The following MAGI1 variants were observed in gnomAD, a reference collection of about 807,000 sequenced individuals.
MAGI1 encodes the protein membrane-associated guanylate kinase, WW and PDZ domain-containing protein 1.
In MAGI1, 58 loss-of-function variants were observed where a neutral mutation model predicts 139.9. The ratio of observed to expected loss-of-function variants is 0.41; its 90% CI spans 0.34 to 0.52. The LOEUF (loss-of-function observed/expected upper bound fraction) is 0.52. Among genes scored for constraint, MAGI1 ranks in the 20% least tolerant of loss-of-function variants. The probability of loss-of-function intolerance (pLI) is 0.12; values close to 1 mark genes in which losing one functional copy is unlikely to be tolerated. For synonymous variants in MAGI1, 812 were observed against 737.9 expected (o/e 1.10, Z -1.63); for missense variants, 1,874 against 1,901.6 (o/e 0.99, Z 0.27).
Position 65,578,800 on chromosome 3 carries a change from AC to A in MAGI1, c.430+43171del, listed in dbSNP as rs1362271802. 2.0e-5 allele frequency among the ~76,000 whole-genome samples: 3 copies of A among 152,030 alleles called. No homozygotes were observed. The East Asian group carries it at 5.8e-4, about 30-fold the overall frequency. ...GCGGGGCGTGGTGGCACATCCCTGT[AC>A]CCCCAGCTACTTGGGAGGCTGAGGC... On this transcript the variant is annotated intron_variant, in intron 2 of 22. Coordinates refer to ENST00000402939, the MANE Select transcript of MAGI1 (RefSeq NM_001033057.2).
chr3:65,935,285 T>G (rs1439171560), intron 1 of MAGI1, among the ~76,000 whole-genome samples: 1 of 152,148 alleles, frequency 6.6e-6, no homozygotes, highest in Non-Finnish European at 1.5e-5. Flanking sequence ...ATTACAATGT[T>G]GAACAAAAGG....
chr3:65,370,895 G>C (rs183104977), intron 18 of MAGI1, among the ~76,000 whole-genome samples: 2 of 152,334 alleles, frequency 1.3e-5, no homozygotes, highest in Non-Finnish European at 2.9e-5. Flanking sequence ...GAGCTCAAGT[G>C]ATCCTCCTGC....
chr3:65,959,822 T>C (rs2064333555), intron 1 of MAGI1, among the ~76,000 whole-genome samples: 1 of 138,144 alleles, frequency 7.2e-6, no homozygotes, highest in Middle Eastern at 3.4e-3. Flanking sequence ...TTTTTTTTTT[T>C]TGAGACAGAG....
chr3:65,498,880 T>TGTGGCTA, intron 2 of MAGI1: 2 of 330,828 alleles, frequency 6.0e-6, no homozygotes, highest in Non-Finnish European at 8.6e-6. Context: ...AATAGCCACA[T>TGTGGCTA]GTGGCTAGTG....
At chr3:65,459,698 A>G (rs1056658950) in intron 5 of MAGI1, among the ~76,000 whole-genome samples, 1 of 152,086 alleles carries the variant, frequency 6.6e-6, no homozygotes, top group Non-Finnish European at 1.5e-5. Context: ...TGAGGCAGGT[A>G]GATTTCTTGA....
intron 3 of MAGI1, among the ~76,000 whole-genome samples, chr3:65,488,243 G>A (rs1172433923): frequency 3.9e-5 from 6 of 152,070 alleles, no homozygotes; most frequent in Non-Finnish European, 7.4e-5. Context: ...TCATAGCTTC[G>A]CCTCCTCTAG....
At chr3:65,458,693 A>C (rs1445780168) in intron 5 of MAGI1, among the ~76,000 whole-genome samples, 1 of 151,968 alleles carries the variant, frequency 6.6e-6, no homozygotes, top group Admixed American at 6.6e-5. Flanking sequence ...AGCTCCCTAT[A>C]TATATTCTCG....
intron 12 of MAGI1, among the ~76,000 whole-genome samples, chr3:65,411,445 T>C (rs972898347): frequency 6.6e-6 from 1 of 152,218 alleles, no homozygotes; most frequent in African/African-American, 2.4e-5. Context: ...GATAGCCCCA[T>C]GCAGTTCCTA....
intron 1 of MAGI1, among the ~76,000 whole-genome samples, chr3:65,773,748 C>T (rs982898655): frequency 4.6e-5 from 7 of 152,174 alleles, no homozygotes; most frequent in Non-Finnish European, 4.4e-5. Flanking sequence ...TGTAACTGTA[C>T]TCTAATTTGC....
chr3:65,480,387 G>C (rs1233568876), intron 3 of MAGI1, among the ~76,000 whole-genome samples: 1 of 151,802 alleles, frequency 6.6e-6, no homozygotes, highest in African/African-American at 2.4e-5. Context: ...ACAAAAATTA[G>C]CCAGGCTTGG....
At chr3:65,683,608 T>C (rs1269434696) in intron 1 of MAGI1, among the ~76,000 whole-genome samples, 1 of 149,798 alleles carries the variant, frequency 6.7e-6, no homozygotes, top group Non-Finnish European at 1.5e-5. Flanking sequence ...ACACAGATAA[T>C]CCAATTAGAA....
At chr3:65,535,339 A>G (rs1017123127) in intron 2 of MAGI1, among the ~76,000 whole-genome samples, 3 of 152,184 alleles carry the variant, frequency 2.0e-5, no homozygotes, top group Non-Finnish European at 4.4e-5. Context: ...CCTTGTCTCT[A>G]AAAGAAGGCA....
chr3:65,683,657 G>GATATATATAT lies in MAGI1; in HGVS notation c.314-61579_314-61570dup, dbSNP rs377247002. Among the ~76,000 whole-genome samples, 396 of 86,406 alleles carry GATATATATAT rather than the reference G, an allele frequency of 4.6e-3. 2 individuals are homozygous for GATATATATAT. Among genetic ancestry groups the GATATATATAT allele is most frequent in the African/African-American group, 0.01 (304 of 29,316 alleles). 56.7% of individuals were successfully genotyped at this position (86,406 alleles called of 152,430 possible). On this transcript the variant is annotated intron_variant, in intron 1 of 22. Coordinates refer to ENST00000402939, the MANE Select transcript of MAGI1 (RefSeq NM_001033057.2). ...CCTGAAAAGACATCTGACTGAATAGGATATATATATATATATATATGTATG... is the reference window on the plus strand; with the variant it reads ...CCTGAAAAGACATCTGACTGAATAGGATATATATATATATATATATATATATATATGTATG...
rs192614370 is a variant in MAGI1 at position 65,913,256 on chromosome 3, T to C, written c.313+124740A>G. On this transcript the variant is annotated intron_variant, in intron 1 of 22. Transcript: ENST00000402939. Reference sequence around the variant, plus strand: ...TCCAGCCTGAGCAACAGAGCAAGACTGTCTCAAAAAACAAACAAAAAATAA... The same window carrying C: ...TCCAGCCTGAGCAACAGAGCAAGACCGTCTCAAAAAACAAACAAAAAATAA... 5.0e-4 allele frequency among the ~76,000 whole-genome samples: 76 copies of C among 152,212 alleles called. No individual in the cohort carries two copies. In the East Asian group the frequency reaches 0.013, roughly 26 times the overall value.
At chr3:65,607,222 G>A (rs1214708808) in intron 2 of MAGI1, among the ~76,000 whole-genome samples, 2 of 151,340 alleles carry the variant, frequency 1.3e-5, no homozygotes, top group Non-Finnish European at 2.9e-5. Context: ...GTGCCTCCCT[G>A]TCAAATAGCT....
At chr3:65,603,639 T>C (rs1229331197) in intron 2 of MAGI1, among the ~76,000 whole-genome samples, 1 of 152,230 alleles carries the variant, frequency 6.6e-6, no homozygotes, top group Non-Finnish European at 1.5e-5. Flanking sequence ...AGCCTGAATA[T>C]AAAGTTAAAG....
At chr3:65,967,203 T>C (rs1333281515) in intron 1 of MAGI1, among the ~76,000 whole-genome samples, 2 of 152,190 alleles carry the variant, frequency 1.3e-5, no homozygotes, top group Admixed American at 6.5e-5. Flanking sequence ...GACAGAGTGA[T>C]AGACAGTTGG....
intron 12 of MAGI1, among the ~76,000 whole-genome samples, chr3:65,402,830 T>C (rs970133879): frequency 5.3e-5 from 8 of 152,124 alleles, no homozygotes; most frequent in African/African-American, 1.9e-4. Context: ...GGGCACTCTC[T>C]GGCAAGGTTC....
At chr3:65,544,333 C>G (rs1029042413) in intron 2 of MAGI1, among the ~76,000 whole-genome samples, 1 of 152,132 alleles carries the variant, frequency 6.6e-6, no homozygotes, top group Non-Finnish European at 1.5e-5. Flanking sequence ...TGCTAGTCAA[C>G]GTATCACTCA....
Sources: gnomAD v4.1 joint callset for allele counts (sites outside exome capture counted in the v4.1 genomes callset) on GRCh38, gnomAD v4.1.1 for gene constraint, MANE v1.5 for transcripts, NCBI Gene and HGNC (gene_info 2026-07-23, HGNC 2026-07-21) for gene names.